The following CACNA1C variants were observed in gnomAD, a reference collection of about 807,000 sequenced individuals.
CACNA1C encodes voltage-dependent L-type calcium channel subunit alpha-1C.
A neutral mutation model predicts 229.0 loss-of-function variants in CACNA1C; 30 were observed. That is an observed-to-expected ratio of 0.13 (90% CI 0.10 to 0.18). The LOEUF (loss-of-function observed/expected upper bound fraction) is 0.18. CACNA1C is among the 10% of genes least tolerant of loss of function. The pLI, the probability that CACNA1C is intolerant of heterozygous loss-of-function variation, is 1.00. For synonymous variants in CACNA1C, 1,114 were observed against 1,132.5 expected (o/e 0.98, Z 0.33); for missense variants, 1,658 against 2,845.0 (o/e 0.58, Z 9.49).
intron 1 of CACNA1C, among the ~76,000 whole-genome samples, chr12:1,984,814 G>A (rs973120441): frequency 1.9e-5 from 2 of 102,822 alleles, no homozygotes; most frequent in Non-Finnish European, 4.1e-5. Flanking sequence ...TTCTTTTTAT[G>A]TTTCCTTTAT....
chr12:2,093,789 T>G (rs965113379), intron 1 of CACNA1C, among the ~76,000 whole-genome samples: 2 of 152,196 alleles, frequency 1.3e-5, no homozygotes, highest in East Asian at 3.9e-4. Context: ...GACCATAGTT[T>G]TATGCTGGAA....
chr12:2,085,909 A>G (rs2067456467), intron 1 of CACNA1C, among the ~76,000 whole-genome samples: 1 of 152,086 alleles, frequency 6.6e-6, no homozygotes, highest in South Asian at 2.1e-4. Flanking sequence ...TCCCAACTGC[A>G]GCATGTAAAT....
In CACNA1C at chr12:2,120,528, T is replaced by A. The variant is rs1243901117; in HGVS notation, c.477+98T>A. 3 of 792,728 alleles carry A rather than the reference T, an allele frequency of 3.8e-6. No homozygotes were observed. In the African/African-American group the frequency reaches 5.1e-5, roughly 13 times the overall value. 49.1% of individuals were successfully genotyped at this position (792,728 alleles called of 1,614,324 possible). ...GAATGTGGGAGAGAAGTGAGACGTG[T>A]GTTTGGCATGTGCAGGAGCCCTGCA... On this transcript the variant is annotated intron_variant, in intron 3 of 46. Transcript: ENST00000399655.
chr12:2,009,354 T>C (rs1418891617), intron 1 of CACNA1C, among the ~76,000 whole-genome samples: 1 of 152,236 alleles, frequency 6.6e-6, no homozygotes. Flanking sequence ...ATGTTTAGAT[T>C]CTTTGAAAAT....
At chr12:2,604,470 C>T (rs1217471508) in intron 22 of CACNA1C, among the ~76,000 whole-genome samples, 1 of 152,046 alleles carries the variant, frequency 6.6e-6, no homozygotes, top group Non-Finnish European at 1.5e-5. Context: ...AAATCTCCTC[C>T]CCATGACATC....
chr12:2,674,805 G>A (rs540690995), intron 39 of CACNA1C, among the ~76,000 whole-genome samples, 163 bp downstream of exon 39: 42 of 152,312 alleles, frequency 2.8e-4, no homozygotes, highest in Middle Eastern at 3.4e-3. Context: ...GACCCTTCCT[G>A]TGGGGCTCAG....
rs1437969635 is a variant in CACNA1C at position 2,639,402 on chromosome 12, ACTT to A, written c.3912+5026_3912+5028del. Among the ~76,000 whole-genome samples the A allele has an allele frequency of 6.6e-6, 1 of 152,206 alleles. No homozygotes were observed. Among genetic ancestry groups the A allele is most frequent in the Non-Finnish European group, 1.5e-5 (1 of 68,046 alleles). On this transcript the variant is annotated intron_variant, in intron 30 of 46. Transcript: ENST00000399655. This position sits in a 1 kb window ranked among gnomAD's most constrained non-coding sequence, Gnocchi z 4.2. ...TTGGGCCAACAGCCTTTCCCGACAC[ACTT>A]CTTTTTCATTTTGTATTTTAAAATA...
intron 3 of CACNA1C, among the ~76,000 whole-genome samples, chr12:2,341,004 C>T (rs974870817): frequency 3.9e-5 from 6 of 152,006 alleles, no homozygotes; most frequent in African/African-American, 1.5e-4. Context: ...TACAGCGATA[C>T]GGCAGTAGGC....
In CACNA1C at chr12:2,461,437, C is replaced by T. The variant is rs531845853; in HGVS notation, c.757+3731C>T. 2.5e-3 allele frequency among the ~76,000 whole-genome samples: 377 copies of T among 152,200 alleles called. 3 individuals are homozygous for T. The highest frequency in any genetic ancestry group is 4.5e-3 in the Non-Finnish European group (308 of 68,014). On this transcript the variant is annotated intron_variant, in intron 5 of 46. Transcript: ENST00000399655. ...AAGCTCCAGGGGTAGATCCTGAGAC[C>T]TCTCCTCTGTCTGTACTCACTCCCT...
chr12:2,197,777 A>G (rs891168381), intron 3 of CACNA1C, among the ~76,000 whole-genome samples: 1 of 152,204 alleles, frequency 6.6e-6, no homozygotes, highest in Non-Finnish European at 1.5e-5. Flanking sequence ...CACCAAACTG[A>G]AATTAATTTT....
chr12:2,097,027 T>C (rs999661387), intron 1 of CACNA1C, among the ~76,000 whole-genome samples: 4 of 152,272 alleles, frequency 2.6e-5, no homozygotes, highest in Non-Finnish European at 5.9e-5. Context: ...TGGATAATGC[T>C]GCTATGGACA....
chr12:2,247,025 A>C (rs1272540685), intron 3 of CACNA1C, among the ~76,000 whole-genome samples: 1 of 152,214 alleles, frequency 6.6e-6, no homozygotes, highest in Non-Finnish European at 1.5e-5. Context: ...TGAAAAACTT[A>C]AGCTAAGACT....
At chr12:2,470,199 A>T (rs145161369) in intron 5 of CACNA1C, among the ~76,000 whole-genome samples, 139 of 152,318 alleles carry the variant, frequency 9.1e-4, no homozygotes, top group Middle Eastern at 6.8e-3. Flanking sequence ...TTAAGCACTC[A>T]TCTTGAGCCC....
intron 5 of CACNA1C, among the ~76,000 whole-genome samples, chr12:2,461,079 G>C (rs1331370858): frequency 6.6e-6 from 1 of 152,220 alleles, no homozygotes; most frequent in Non-Finnish European, 1.5e-5. Flanking sequence ...CTCCTCAAGA[G>C]TTGCCTCTAC....
intron 3 of CACNA1C, among the ~76,000 whole-genome samples, chr12:2,229,643 G>A (rs940061012): frequency 6.6e-6 from 1 of 152,148 alleles, no homozygotes; most frequent in African/African-American, 2.4e-5. Context: ...GAAGGCCTCC[G>A]CAGGGGATGC....
At chr12:2,043,522 A>G (rs991988882) in intron 1 of CACNA1C, among the ~76,000 whole-genome samples, 1 of 152,152 alleles carries the variant, frequency 6.6e-6, no homozygotes, top group Non-Finnish European at 1.5e-5. Context: ...CCTGGAGGTG[A>G]CACAGTCACT....
At chr12:2,009,647 T>A (rs995940812) in intron 1 of CACNA1C, among the ~76,000 whole-genome samples, 1 of 152,182 alleles carries the variant, frequency 6.6e-6, no homozygotes, top group African/African-American at 2.4e-5. Flanking sequence ...GAGTTGCCCT[T>A]TTTTTGCTAG....
At chr12:2,604,400 T>C (rs2074284320) in intron 22 of CACNA1C, among the ~76,000 whole-genome samples, 1 of 152,148 alleles carries the variant, frequency 6.6e-6, no homozygotes, top group Non-Finnish European at 1.5e-5. Flanking sequence ...CTGAGTGTGC[T>C]CTGGGTGGGT....
At chr12:2,425,357 C>T (rs1405566438) in intron 3 of CACNA1C, among the ~76,000 whole-genome samples, 4 of 152,132 alleles carry the variant, frequency 2.6e-5, no homozygotes, top group East Asian at 3.8e-4. Context: ...ATCATATAAG[C>T]GAAAATGTCA....
Sources: gnomAD v4.1 joint callset for allele counts (sites outside exome capture counted in the v4.1 genomes callset) on GRCh38, gnomAD v4.1.1 for gene constraint, Gnocchi (gnomAD v3.1) non-coding constraint, MANE v1.5 for transcripts, NCBI Gene and HGNC (gene_info 2026-07-23, HGNC 2026-07-21) for gene names.